Variants in SAE1 observed in about 807,000 individuals in gnomAD.
The protein encoded by SAE1 is SUMO1 activating enzyme subunit 1, also known as SUMO-activating enzyme subunit 1.
In SAE1, 11 loss-of-function variants were observed where a neutral mutation model predicts 40.6. The observed-to-expected ratio is 0.27, with a 90% CI of 0.17 to 0.45. The LOEUF (loss-of-function observed/expected upper bound fraction) is 0.45. Ranked by LOEUF, SAE1 falls within the 20% of genes least tolerant of loss-of-function variation. SAE1 has a pLI of 1.00. For missense variants in SAE1, 373 were observed against 427.3 expected, an observed-to-expected ratio of 0.87 and a Z score of 1.12; for synonymous variants, 155 against 154.3, an observed-to-expected ratio of 1.00 and a Z score of -0.03.
At chr19:47,153,131 A>G (rs1568590478) in intron 4 of SAE1, 91 bp downstream of exon 4, 1 of 1,170,724 alleles carries the variant, frequency 8.5e-7, no homozygotes, top group South Asian at 1.6e-5. Flanking sequence ...GTGTAGAGAC[A>G]GGATCTATGC....
intron 5 of SAE1, 74 bp downstream of exon 5, chr19:47,155,287 A>T: frequency 1.9e-6 from 2 of 1,049,584 alleles, no homozygotes; most frequent in South Asian, 1.3e-5. Flanking sequence ...ATTGAAAAGG[A>T]TAAGAGCAAG....
intron 2 of SAE1, among the ~76,000 whole-genome samples, chr19:47,147,910 C>G (rs950228745): frequency 5.9e-5 from 9 of 151,788 alleles, no homozygotes; most frequent in South Asian, 4.2e-4. Flanking sequence ...AGGCGCCCAC[C>G]ACCACGCCTG....
chr19:47,179,262 T>C (rs940214372), intron 6 of SAE1, among the ~76,000 whole-genome samples: 6 of 151,486 alleles, frequency 4.0e-5, no homozygotes, highest in African/African-American at 1.5e-4. Flanking sequence ...TCCTAGCACT[T>C]TGGGAGGCTG....
At chr19:47,138,252 C>T (rs1317623684) in intron 1 of SAE1, among the ~76,000 whole-genome samples, 3 of 152,126 alleles carry the variant, frequency 2.0e-5, no homozygotes, top group African/African-American at 4.8e-5. Flanking sequence ...CCATGTTGGC[C>T]AGGGTGGTCT....
At chr19:47,166,181 G>A (rs1473914716) in intron 5 of SAE1, among the ~76,000 whole-genome samples, 1 of 152,174 alleles carries the variant, frequency 6.6e-6, no homozygotes, top group Non-Finnish European at 1.5e-5. Flanking sequence ...AGAGACGTGG[G>A]GGTTTGGTGA....
chr19:47,180,987 T>C (rs2058502270), intron 6 of SAE1, among the ~76,000 whole-genome samples: 1 of 152,132 alleles, frequency 6.6e-6, no homozygotes, highest in Non-Finnish European at 1.5e-5. Context: ...AGGAAGGTTT[T>C]TTTTCTTTTG....
chr19:47,200,261 T>G (rs1009892380), intron 7 of SAE1, among the ~76,000 whole-genome samples: 5 of 147,174 alleles, frequency 3.4e-5, no homozygotes, highest in African/African-American at 1.3e-4. Flanking sequence ...TAAGATAGGG[T>G]CTCTCTCTGT....
At chr19:47,194,682 C>T (rs951616282) in intron 6 of SAE1, among the ~76,000 whole-genome samples, 38 of 151,622 alleles carry the variant, frequency 2.5e-4, no homozygotes, top group Admixed American at 1.4e-3. Flanking sequence ...CCTGCCCGCC[C>T]GCAGGCAGGT....
chr19:47,162,783 G>C (rs1173337823), intron 5 of SAE1, among the ~76,000 whole-genome samples: 1 of 152,118 alleles, frequency 6.6e-6, no homozygotes, highest in Admixed American at 6.6e-5. Flanking sequence ...TTGAGCCCAG[G>C]AGTTTGAGAC....
intron 6 of SAE1, among the ~76,000 whole-genome samples, chr19:47,170,503 CT>C (rs34836827): frequency 8.1e-4 from 68 of 83,926 alleles, no homozygotes; most frequent in African/African-American, 2.2e-3. Flanking sequence ...CGCCCCCCGC[CT>C]TTTTTTTTTT....
chr19:47,166,706 A>G (rs930497128), intron 5 of SAE1, among the ~76,000 whole-genome samples: 1 of 152,162 alleles, frequency 6.6e-6, no homozygotes, highest in Admixed American at 6.5e-5. Context: ...TTCTGATGGC[A>G]TTCCCAGACC....
chr19:47,167,854 C>T (rs1182995397), intron 5 of SAE1, among the ~76,000 whole-genome samples: 2 of 152,124 alleles, frequency 1.3e-5, no homozygotes, highest in African/African-American at 2.4e-5. Flanking sequence ...AGTGTTCCCC[C>T]AGCTTGGCTA....
At chr19:47,205,668 TGAC>T (rs1235929528) in intron 8 of SAE1, among the ~76,000 whole-genome samples, 1 of 152,152 alleles carries the variant, frequency 6.6e-6, no homozygotes, top group African/African-American at 2.4e-5. Context: ...TAGCCTAAAA[TGAC>T]GACACCACCA....
chr19:47,164,894 C>T (rs575445676), intron 5 of SAE1, among the ~76,000 whole-genome samples: 97 of 151,650 alleles, frequency 6.4e-4, no homozygotes, highest in African/African-American at 2.2e-3. Context: ...CCTCGTGATC[C>T]GCCTGCCTCA....
intron 6 of SAE1, among the ~76,000 whole-genome samples, chr19:47,195,417 T>A (rs1359436392): frequency 6.6e-6 from 1 of 152,222 alleles, no homozygotes; most frequent in East Asian, 1.9e-4. Context: ...TGTTGGGGTC[T>A]TCTTACACAG....
At chr19:47,198,244 G>T (rs1003716694) in intron 7 of SAE1, among the ~76,000 whole-genome samples, 1 of 152,000 alleles carries the variant, frequency 6.6e-6, no homozygotes, top group African/African-American at 2.4e-5. Flanking sequence ...TGAGTAGCTG[G>T]GATTACAGGT....
intron 7 of SAE1, among the ~76,000 whole-genome samples, chr19:47,198,607 A>G (rs1403803837): frequency 2.0e-5 from 3 of 152,196 alleles, no homozygotes; most frequent in Non-Finnish European, 4.4e-5. Flanking sequence ...CACCCCAGGT[A>G]TCATTACAGT....
rs1417523242 is a variant in SAE1, at chr19:47,210,033, C to T, written c.*782C>T. ...GGAGCCTGCCCTTTTAACAGAACCC[C>T]AGTCACATGCGGCTCAAGTCACTCA... On this transcript the variant is annotated 3_prime_UTR_variant, in exon 9 of 9. Coordinates refer to ENST00000270225, the MANE Select transcript of SAE1 (RefSeq NM_005500.3). 6.6e-6 allele frequency: 1 copy of T among 152,196 alleles called. No individual in the cohort carries two copies. The highest frequency in any genetic ancestry group is 1.5e-5 in the Non-Finnish European group (1 of 68,058). The allele number at this position is 152,196 out of a possible 1,614,324, so 9.4% of individuals were successfully genotyped here. A position where few individuals can be genotyped will look rare whatever the true frequency, so the allele number is the denominator to read the frequency against.
At chr19:47,179,941 T>C (rs1391057853) in intron 6 of SAE1, among the ~76,000 whole-genome samples, 2 of 152,138 alleles carry the variant, frequency 1.3e-5, no homozygotes. Flanking sequence ...TAGGTAAGTA[T>C]AGTGTTAATA....
Sources: allele counts gnomAD v4.1 joint callset (sites outside exome capture counted in the v4.1 genomes callset), GRCh38; gene constraint gnomAD v4.1.1; transcripts MANE v1.5; gene names NCBI Gene and HGNC (gene_info 2026-07-23, HGNC 2026-07-21).